Variants in SLC39A14 observed in about 807,000 individuals in gnomAD.
SLC39A14 encodes the protein solute carrier family 39 member 14.
In SLC39A14, 19 loss-of-function variants were observed where a neutral mutation model predicts 45.5. That is an observed-to-expected ratio of 0.42 (90% CI 0.29 to 0.61). The LOEUF is 0.61. SLC39A14 is among the 20% of genes least tolerant of loss of function. The pLI is 0.22. For synonymous variants in SLC39A14, 264 were observed against 251.3 expected, an observed-to-expected ratio of 1.05 and a Z score of -0.48; for missense variants, 447 against 616.5, an observed-to-expected ratio of 0.73 and a Z score of 2.91.
At chr8:22,397,164 C>G (rs1350083506) in intron 1 of SLC39A14, among the ~76,000 whole-genome samples, 1 of 152,086 alleles carries the variant, frequency 6.6e-6, no homozygotes, top group Non-Finnish European at 1.5e-5. Context: ...TGCTTGTGGT[C>G]CTACCGAAAA....
At chr8:22,416,023 C>T (rs1835857781) in intron 6 of SLC39A14, 50 bp from the exon 7 acceptor site, 1 of 1,607,660 alleles carries the variant, frequency 6.2e-7, no homozygotes, top group East Asian at 2.2e-5. Flanking sequence ...CTTGAGGGCA[C>T]ATGGTCCAGC....
chr8:22,431,077 T>C (rs182365664), intron 8 of SLC39A14, among the ~76,000 whole-genome samples: 2,285 of 151,660 alleles, frequency 0.015, 54 homozygotes, highest in African/African-American at 0.053. Flanking sequence ...AACCTCTGCC[T>C]CCTGGGTTCA....
downstream of SLC39A14, among the ~76,000 whole-genome samples, chr8:22,423,872 A>G (rs551118330): frequency 1.3e-5 from 2 of 150,460 alleles, no homozygotes; most frequent in African/African-American, 4.9e-5. Context: ...ATATCTATCT[A>G]GAGAGAGAGA....
At chr8:22,389,399 G>C (rs762488222) in intron 1 of SLC39A14, among the ~76,000 whole-genome samples, 3 of 152,012 alleles carry the variant, frequency 2.0e-5, no homozygotes, top group Non-Finnish European at 2.9e-5. Context: ...GGAGTCGGGC[G>C]TGAGCGGGCT....
In SLC39A14 at chr8:22,417,742, G is replaced by A. The variant is rs559899609; in HGVS notation, c.1239G>A (p.Leu413=). The A allele has an allele frequency of 3.1e-6, 5 of 1,614,148 alleles. No individual in the cohort carries two copies. The African/African-American group carries it at 5.3e-5, about 17-fold the overall frequency. The change falls in exon 8 of 9, where the codon CTG becomes CTA. Residue 413 remains leucine, a synonymous_variant. Coordinates refer to ENST00000381237, the MANE Select transcript of SLC39A14 (RefSeq NM_001128431.4). The part of the protein sequence containing the change: ...FLSACCCYLG[L]AFGILAGSHF... ...CTGCCTGCTGCTGCTACCTGGGTCT[G>A]GCCTTTGGCATCCTGGCCGGCAGCC...
At chr8:22,397,759 C>G (rs1272576281) in intron 1 of SLC39A14, among the ~76,000 whole-genome samples, 1 of 152,190 alleles carries the variant, frequency 6.6e-6, no homozygotes, top group African/African-American at 2.4e-5. Context: ...CCATGGTTAT[C>G]TGCTAGCTGG....
intron 1 of SLC39A14, among the ~76,000 whole-genome samples, chr8:22,377,959 G>A (rs1833303831): frequency 6.6e-6 from 1 of 152,132 alleles, no homozygotes; most frequent in African/African-American, 2.4e-5. Context: ...CCTGCCAATT[G>A]TATTTGTCTT....
Position 22,422,024 on chromosome 8 carries a change from T to G in SLC39A14, c.*2326T>G. 9.1e-6 allele frequency: 9 copies of G among 985,392 alleles called. No homozygotes were observed. The highest frequency in any genetic ancestry group is 1.1e-5 in the Non-Finnish European group (9 of 829,850). 61.0% of individuals were successfully genotyped at this position (985,392 alleles called of 1,614,324 possible). ...CACATCGTCTGACTTGAGTCGCCACTGATTGTGGCAACAGCTTTGCCTCAT... is the reference window on the plus strand; with the variant it reads ...CACATCGTCTGACTTGAGTCGCCACGGATTGTGGCAACAGCTTTGCCTCAT... On this transcript the variant is annotated 3_prime_UTR_variant, in exon 9 of 9. Transcript: ENST00000381237.
At chr8:22,385,993 G>A (rs925186030) in intron 1 of SLC39A14, among the ~76,000 whole-genome samples, 3 of 152,176 alleles carry the variant, frequency 2.0e-5, no homozygotes, top group Non-Finnish European at 4.4e-5. Flanking sequence ...AGGCTGGAGT[G>A]CAGTGGCTCA....
intron 4 of SLC39A14, among the ~76,000 whole-genome samples, chr8:22,413,168 G>T (rs1452871410): frequency 6.6e-6 from 1 of 152,186 alleles, no homozygotes; most frequent in Non-Finnish European, 1.5e-5. Context: ...ATTACAATAA[G>T]CACAGGACGT....
intron 5 of SLC39A14, 159 bp downstream of exon 5, chr8:22,415,061 A>T: frequency 2.2e-6 from 2 of 898,304 alleles, no homozygotes; most frequent in Non-Finnish European, 3.3e-6. Flanking sequence ...TCACCTCCTG[A>T]GGATATTTGG....
Position 22,404,917 on chromosome 8 carries a change from G to T in SLC39A14, c.207G>T (p.Leu69=). 6.2e-7 allele frequency: 1 copy of T among 1,614,190 alleles called. No individual in the cohort carries two copies. Among genetic ancestry groups the T allele is most frequent in the Non-Finnish European group, 8.5e-7 (1 of 1,180,030 alleles). ...LQQLKALLNH[L]DVGVGRGNVT... Reference sequence around the variant, plus strand: ...AGCTGAAGGCCCTACTCAACCACCTGGATGTGGGAGTGGGCCGGGGTAATG... The same window carrying T: ...AGCTGAAGGCCCTACTCAACCACCTTGATGTGGGAGTGGGCCGGGGTAATG... Residue 69 remains leucine (L), a synonymous_variant, in exon 2 of 9, where the codon CTG becomes CTT. Coordinates refer to ENST00000381237, the MANE Select transcript of SLC39A14 (RefSeq NM_001128431.4).
chr8:22,409,070 C>G (rs1835406334), intron 3 of SLC39A14, among the ~76,000 whole-genome samples: 2 of 152,308 alleles, frequency 1.3e-5, no homozygotes, highest in South Asian at 4.1e-4. Context: ...ATCCTCCTGC[C>G]TCGGCCTCCC....
chr8:22,380,884 G>C (rs891649632), intron 1 of SLC39A14, among the ~76,000 whole-genome samples: 3 of 151,634 alleles, frequency 2.0e-5, no homozygotes, highest in Admixed American at 2.0e-4. Context: ...GCCATGTTGC[G>C]CACGCTAGTC....
At chr8:22,413,843 C>T (rs751521146) in intron 4 of SLC39A14, among the ~76,000 whole-genome samples, 2 of 152,128 alleles carry the variant, frequency 1.3e-5, no homozygotes, top group Non-Finnish European at 2.9e-5. Context: ...GGTGCCATCT[C>T]GGCTCACTGC....
intron 3 of SLC39A14, among the ~76,000 whole-genome samples, chr8:22,411,522 G>A (rs1375774735): frequency 2.0e-5 from 3 of 152,214 alleles, no homozygotes; most frequent in Admixed American, 6.5e-5. Flanking sequence ...GGTGTCACCC[G>A]AGCCTGCGCC....
rs1836207426 is a variant in SLC39A14 at position 22,421,182 on chromosome 8, T to C, written c.*1484T>C. 4.1e-6 allele frequency: 4 copies of C among 985,842 alleles called. No individual in the cohort carries two copies. Among genetic ancestry groups the C allele is most frequent in the Non-Finnish European group, 3.6e-6 (3 of 829,940 alleles). The allele number at this position is 985,842 out of a possible 1,614,324, so 61.1% of individuals were successfully genotyped here. A position where few individuals can be genotyped will look rare whatever the true frequency, so the allele number is the denominator to read the frequency against. On this transcript the variant is annotated 3_prime_UTR_variant, in exon 9 of 9. Coordinates refer to ENST00000381237, the MANE Select transcript of SLC39A14 (RefSeq NM_001128431.4). ...CACAGTTGGAGCCCAGGGGCCATGT[T>C]TGCAAACTGATTCATGTGCATGGCT...
intron 1 of SLC39A14, among the ~76,000 whole-genome samples, chr8:22,377,682 T>C (rs1409197931): frequency 6.6e-6 from 1 of 152,228 alleles, no homozygotes; most frequent in African/African-American, 2.4e-5. Context: ...GTGAAGGTTA[T>C]TTTCCACTGG....
At chr8:22,404,620 G>T in intron 1 of SLC39A14, 76 bp from the exon 2 acceptor site, 1 of 1,387,294 alleles carries the variant, frequency 7.2e-7, no homozygotes, top group Non-Finnish European at 1.0e-6. Context: ...CATGTTCAGT[G>T]TGTGGCGGGC....
Sources: allele counts gnomAD v4.1 joint callset (sites outside exome capture counted in the v4.1 genomes callset), GRCh38; gene constraint gnomAD v4.1.1; transcripts MANE v1.5; gene names NCBI Gene and HGNC (gene_info 2026-07-23, HGNC 2026-07-21).